The following RALYL variants were observed in gnomAD, a reference collection of about 807,000 sequenced individuals.
RALYL encodes RNA-binding Raly-like protein.
A neutral mutation model predicts 35.1 loss-of-function variants in RALYL; 29 were observed. The ratio of observed to expected loss-of-function variants is 0.83; its 90% CI spans 0.61 to 1.13. The LOEUF (loss-of-function observed/expected upper bound fraction) is 1.13, where lower values mean the gene tolerates loss of function less well. Ranked by LOEUF, RALYL falls within the 50% of genes most tolerant of loss-of-function variation. RALYL has a pLI of 0.00. For synonymous variants in RALYL, 120 were observed against 127.6 expected (o/e 0.94, Z 0.40); for missense variants, 359 against 360.4 (o/e 1.00, Z 0.03).
intron 2 of RALYL, among the ~76,000 whole-genome samples, chr8:84,572,909 A>G (rs930281452): frequency 6.6e-6 from 1 of 151,416 alleles, no homozygotes; most frequent in Non-Finnish European, 1.5e-5. Flanking sequence ...CTAGAATATA[A>G]TTTTATCTCT....
rs540954850 is a variant in RALYL, at chr8:84,681,517, G to A, written c.257-93062G>A. ...ATTTGCTTGTGTCCTCTTTTATTTT[G>A]TTGAGCAGTGGTTTGTAGTTCTCCT... On this transcript the variant is annotated intron_variant, in intron 2 of 8. Coordinates refer to ENST00000521268, the MANE Select transcript of RALYL (RefSeq NM_173848.7). Among the ~76,000 whole-genome samples the A allele has an allele frequency of 7.1e-3, 1,075 of 152,112 alleles. 9 individuals are homozygous for A. Among genetic ancestry groups the A allele is most frequent in the Middle Eastern group, 0.014 (4 of 294 alleles).
intron 1 of RALYL, among the ~76,000 whole-genome samples, chr8:84,376,441 A>C (rs1259077808): frequency 1.3e-5 from 2 of 151,816 alleles, no homozygotes; most frequent in Non-Finnish European, 2.9e-5. Flanking sequence ...TGAGCCCAGA[A>C]AGGTTACCAC....
chr8:84,773,568 G>A (rs1159870745), intron 2 of RALYL, among the ~76,000 whole-genome samples: 3 of 151,968 alleles, frequency 2.0e-5, no homozygotes, highest in African/African-American at 7.3e-5. Flanking sequence ...TTGGTCAGTT[G>A]TATGCATAGA....
intron 2 of RALYL, among the ~76,000 whole-genome samples, chr8:84,537,328 G>A (rs1256114723): frequency 2.0e-5 from 3 of 151,754 alleles, no homozygotes; most frequent in Admixed American, 1.3e-4. Flanking sequence ...AAATTAGCTG[G>A]GCTTGGTGGC....
At chr8:84,784,550 G>A (rs1818922774) in intron 3 of RALYL, among the ~76,000 whole-genome samples, 1 of 152,118 alleles carries the variant, frequency 6.6e-6, no homozygotes, top group African/African-American at 2.4e-5. Context: ...GAAGACTTTA[G>A]GTTATATAAA....
chr8:84,920,894 T>C lies in RALYL; in HGVS notation c.859T>C (p.Phe287Leu). Reference sequence around the variant, plus strand: ...TTAAAATTTTTTTTTATTTTCTCAGTTTCTACAGATAAAGTGATCTGAAAT... The same window carrying C: ...TTAAAATTTTTTTTTATTTTCTCAGCTTCTACAGATAAAGTGATCTGAAAT... ...DFDEDGGHELFLQIK is the reference protein window; with the variant it reads ...DFDEDGGHELLLQIK The change falls in exon 9 of 9, where the codon TTT (phenylalanine) becomes CTT (leucine). Residue 287 changes from phenylalanine (F) to leucine (L), a missense_variant and splice_region_variant. By Grantham distance (22) the Phe-to-Leu change is conservative. Coordinates refer to ENST00000521268, the MANE Select transcript of RALYL (RefSeq NM_173848.7). 1 of 1,402,680 alleles carries C rather than the reference T, an allele frequency of 7.1e-7. No individual in the cohort carries two copies. The highest frequency in any genetic ancestry group is 9.5e-7 in the Non-Finnish European group (1 of 1,052,656). 86.9% of individuals were successfully genotyped at this position (1,402,680 alleles called of 1,614,324 possible).
chr8:84,632,984 C>A (rs1217440052), intron 2 of RALYL, among the ~76,000 whole-genome samples: 1 of 151,824 alleles, frequency 6.6e-6, no homozygotes, highest in Non-Finnish European at 1.5e-5. Flanking sequence ...GTTTAAATAT[C>A]TATCCCACAA....
chr8:84,477,502 ATATATATATCAAATG>A (rs1236194184), intron 1 of RALYL, among the ~76,000 whole-genome samples: 3 of 149,636 alleles, frequency 2.0e-5, no homozygotes, highest in Non-Finnish European at 4.4e-5. Context: ...TATACATTCA[ATATATATATCAAATG>A]TATATATATC....
At chr8:84,455,201 T>G (rs550730844) in intron 1 of RALYL, among the ~76,000 whole-genome samples, 29 of 151,984 alleles carry the variant, frequency 1.9e-4, no homozygotes, top group Non-Finnish European at 7.4e-5. Flanking sequence ...TAATGTCACT[T>G]CAAAACAGAC....
At chr8:84,592,129 C>T (rs1448530486) in intron 2 of RALYL, among the ~76,000 whole-genome samples, 1 of 152,070 alleles carries the variant, frequency 6.6e-6, no homozygotes, top group African/African-American at 2.4e-5. Context: ...AAAGCAAGGA[C>T]AATCTACATA....
chr8:84,377,464 T>TGTTTGTTTGTTTGTTTG (rs1329921728), intron 1 of RALYL, among the ~76,000 whole-genome samples: 10 of 148,678 alleles, frequency 6.7e-5, no homozygotes, highest in African/African-American at 2.0e-4. Context: ...TTTTTTTTTT[T>TGTTTGTTTGTTTGTTTG]TTTTTTTTTT....
intron 1 of RALYL, among the ~76,000 whole-genome samples, chr8:84,473,216 C>A (rs376135343): frequency 6.6e-6 from 1 of 151,818 alleles, no homozygotes. Flanking sequence ...TTCTTAACGA[C>A]TCTAATTTAA....
chr8:84,606,977 C>T (rs910864122), intron 2 of RALYL, among the ~76,000 whole-genome samples: 1 of 151,840 alleles, frequency 6.6e-6, no homozygotes, highest in Non-Finnish European at 1.5e-5. Flanking sequence ...GAAAATAATG[C>T]TGTCCTTCTA....
chr8:84,673,093 T>C (rs1833572975), intron 2 of RALYL, among the ~76,000 whole-genome samples: 2 of 152,186 alleles, frequency 1.3e-5, no homozygotes, highest in African/African-American at 4.8e-5. Flanking sequence ...TGGTATCTCA[T>C]TGTGATTTTG....
intron 1 of RALYL, among the ~76,000 whole-genome samples, chr8:84,506,148 G>A (rs895049905): frequency 6.6e-6 from 1 of 151,994 alleles, no homozygotes; most frequent in Non-Finnish European, 1.5e-5. Flanking sequence ...TCACCATGCT[G>A]TCAGTAATAT....
chr8:84,224,213 AC>A (rs1448543793), intron 1 of RALYL, among the ~76,000 whole-genome samples: 1 of 152,264 alleles, frequency 6.6e-6, no homozygotes, highest in East Asian at 1.9e-4. Context: ...CCACATCAGA[AC>A]CAAGCTCTAA....
intron 2 of RALYL, among the ~76,000 whole-genome samples, chr8:84,580,813 A>G (rs182685343): frequency 2.6e-4 from 39 of 152,274 alleles, no homozygotes; most frequent in Non-Finnish European, 4.6e-4. Context: ...TCACCATTTT[A>G]TTATGCTCAT....
intron 1 of RALYL, among the ~76,000 whole-genome samples, chr8:84,426,419 T>G (rs1316095590): frequency 1.4e-5 from 2 of 145,254 alleles, no homozygotes; most frequent in South Asian, 4.6e-4. Flanking sequence ...AACTACTCTT[T>G]TGCGTTCTCT....
chr8:84,869,944 T>C (rs1839894273), intron 6 of RALYL, among the ~76,000 whole-genome samples: 1 of 152,168 alleles, frequency 6.6e-6, no homozygotes, highest in Admixed American at 6.5e-5. Context: ...CAGAATGTAA[T>C]AACATTTATC....
Sources: gnomAD v4.1 joint callset for allele counts (sites outside exome capture counted in the v4.1 genomes callset) on GRCh38, gnomAD v4.1.1 for gene constraint, MANE v1.5 for transcripts, NCBI Gene and HGNC (gene_info 2026-07-23, HGNC 2026-07-21) for gene names.